Variants in PIGU observed in about 807,000 individuals in gnomAD.
The protein encoded by PIGU is phosphatidylinositol glycan anchor biosynthesis class U.
In PIGU, 24 loss-of-function variants were observed where a neutral mutation model predicts 49.9. That is an observed-to-expected ratio of 0.48 (90% confidence interval 0.35 to 0.68). The LOEUF (loss-of-function observed/expected upper bound fraction) is 0.68. Ranked by LOEUF, PIGU falls within the 30% of genes least tolerant of loss-of-function variation. The pLI, the probability that PIGU is intolerant of heterozygous loss-of-function variation, is 0.01. For synonymous variants in PIGU, 220 were observed against 205.7 expected, an observed-to-expected ratio of 1.07 and a Z score of -0.59; for missense variants, 490 against 532.6, an observed-to-expected ratio of 0.92 and a Z score of 0.79.
chr20:34,575,301 C>A (rs1983180273), intron 10 of PIGU, 55 bp from the exon 11 acceptor site: 6 of 1,583,010 alleles, frequency 3.8e-6, no homozygotes, highest in Non-Finnish European at 4.3e-6. Context: ...GCATGCTTTC[C>A]CTGCTGCAAT....
In PIGU at chr20:34,637,885, A is replaced by G; in HGVS notation, c.419T>C (p.Val140Ala). ...PMEMRYIPLK[V>A]ALFYLLNPYT... ...GTCAGGGAATACTTACAACAGGGCC[A>G]CTTTCAAAGGGATGTAACGCATTTC... The change falls in exon 5 of 12, where the codon GTG (valine) becomes GCG (alanine). Residue 140 changes from valine (V) to alanine (A), a missense_variant. Val to Ala is a moderately conservative substitution (Grantham distance 64, BLOSUM62 0). Transcript: ENST00000217446. 1 of 1,610,618 alleles carries G rather than the reference A, an allele frequency of 6.2e-7. No homozygotes were observed. Among genetic ancestry groups the G allele is most frequent in the Non-Finnish European group, 8.5e-7 (1 of 1,178,628 alleles).
chr20:34,591,589 T>C (rs751413355), intron 7 of PIGU, among the ~76,000 whole-genome samples: 2 of 152,186 alleles, frequency 1.3e-5, no homozygotes, highest in Non-Finnish European at 2.9e-5. Context: ...ATGGAATTAA[T>C]AGAAATTATT....
chr20:34,619,662 T>C (rs1030204262), intron 6 of PIGU, among the ~76,000 whole-genome samples: 3 of 152,194 alleles, frequency 2.0e-5, no homozygotes, highest in African/African-American at 7.2e-5. Context: ...AGCCATCTCT[T>C]GCCCTAATTG....
chr20:34,663,739 C>T (rs1215669569), intron 1 of PIGU, among the ~76,000 whole-genome samples: 2 of 152,116 alleles, frequency 1.3e-5, no homozygotes, highest in African/African-American at 2.4e-5. Context: ...CTATTAAATC[C>T]TTCACTAACA....
chr20:34,596,371 A>T (rs1253266246), intron 7 of PIGU, among the ~76,000 whole-genome samples: 1 of 152,198 alleles, frequency 6.6e-6, no homozygotes, highest in Non-Finnish European at 1.5e-5. Flanking sequence ...CCTGAAACAA[A>T]CAAAAATAGC....
At chr20:34,668,882 T>A (rs1203561912) in intron 1 of PIGU, among the ~76,000 whole-genome samples, 2 of 127,732 alleles carry the variant, frequency 1.6e-5, no homozygotes, top group African/African-American at 5.9e-5. Flanking sequence ...TTTTTTTTTT[T>A]TTTTTTTTTT....
rs1181325564 is a variant in PIGU, at chr20:34,658,802, G to A, written c.131-1558C>T. Among the ~76,000 whole-genome samples the A allele has an allele frequency of 1.5e-4, 22 of 144,958 alleles. No individual in the cohort carries two copies. In the South Asian group the frequency reaches 2.0e-3, roughly 13 times the overall value. Reference sequence around the variant, plus strand: ...TGAGGAGCCCCTCCGCCTGGCAGCCGCCCCGTCTGAGAAGCGAGGAGCCCC... The same window carrying A: ...TGAGGAGCCCCTCCGCCTGGCAGCCACCCCGTCTGAGAAGCGAGGAGCCCC... On this transcript the variant is annotated intron_variant, in intron 1 of 11. Transcript: ENST00000217446.
At chr20:34,623,583 C>T (rs1985336238) in intron 6 of PIGU, among the ~76,000 whole-genome samples, 1 of 152,160 alleles carries the variant, frequency 6.6e-6, no homozygotes, top group Non-Finnish European at 1.5e-5. Flanking sequence ...AGGATTTAAA[C>T]CAAATGGTTT....
intron 11 of PIGU, chr20:34,562,413 G>C: frequency 7.8e-7 from 1 of 1,286,512 alleles, no homozygotes; most frequent in South Asian, 1.2e-5. Context: ...TCCAGACCCT[G>C]TCCTGGGCAG....
At chr20:34,627,449 A>T (rs760997257) in intron 6 of PIGU, among the ~76,000 whole-genome samples, 12 of 151,742 alleles carry the variant, frequency 7.9e-5, no homozygotes, top group South Asian at 4.2e-4. Context: ...GTGATATAAA[A>T]TTTTTTTTGC....
rs186513428 is a variant in PIGU, at chr20:34,604,999, T to C, written c.627+11043A>G. ...ACTAGAAACTTCCCAGACTGCACCA[T>C]GAGCATCTCGGTAAGCCTCGCCTGG... On this transcript the variant is annotated intron_variant, in intron 7 of 11. Transcript: ENST00000217446. Among the ~76,000 whole-genome samples, 142 of 152,290 alleles carry C rather than the reference T, an allele frequency of 9.3e-4. 2 individuals carry two copies. The highest frequency in any genetic ancestry group is 6.8e-3 in the Middle Eastern group (2 of 294).
chr20:34,641,152 C>A (rs778423774), intron 4 of PIGU, among the ~76,000 whole-genome samples: 2 of 151,854 alleles, frequency 1.3e-5, no homozygotes, highest in African/African-American at 4.8e-5. Flanking sequence ...CTCCTGACCT[C>A]GTGATCTGCC....
At chr20:34,616,576 C>G (rs1052913026) in intron 6 of PIGU, among the ~76,000 whole-genome samples, 43 of 152,124 alleles carry the variant, frequency 2.8e-4, no homozygotes, top group African/African-American at 1.0e-3. Flanking sequence ...TACAACAGCC[C>G]TTCCTTACCT....
intron 7 of PIGU, among the ~76,000 whole-genome samples, chr20:34,605,021 C>T (rs1386582383): frequency 6.6e-6 from 1 of 152,148 alleles, no homozygotes; most frequent in East Asian, 1.9e-4. Flanking sequence ...TAAGCCTCGC[C>T]TGGTCTCCCT....
chr20:34,623,714 G>A (rs537573608), intron 6 of PIGU, among the ~76,000 whole-genome samples: 3 of 152,286 alleles, frequency 2.0e-5, no homozygotes, highest in Non-Finnish European at 4.4e-5. Context: ...AAGGAAGCAC[G>A]CTAAGCATTT....
chr20:34,590,610 A>ACATAG, intron 7 of PIGU, among the ~76,000 whole-genome samples: 1 of 152,038 alleles, frequency 6.6e-6, no homozygotes, highest in Non-Finnish European at 1.5e-5. Context: ...ACATAACATA[A>ACATAG]CATAACATAA....
chr20:34,675,890 G>T (rs1987482148), intron 1 of PIGU, among the ~76,000 whole-genome samples: 1 of 152,034 alleles, frequency 6.6e-6, no homozygotes, highest in Non-Finnish European at 1.5e-5. Context: ...GCATTTAAAG[G>T]ACACAAAGGG....
intron 7 of PIGU, among the ~76,000 whole-genome samples, chr20:34,609,436 C>T (rs1206112462): frequency 6.6e-6 from 1 of 152,006 alleles, no homozygotes; most frequent in Non-Finnish European, 1.5e-5. Context: ...GCAATCTCGG[C>T]TCACTGCAAC....
chr20:34,614,041 A>G (rs1984915606), intron 7 of PIGU, among the ~76,000 whole-genome samples: 1 of 152,212 alleles, frequency 6.6e-6, no homozygotes, highest in African/African-American at 2.4e-5. Context: ...CACACCTGTA[A>G]TCCCAGCACT....
Sources: allele counts gnomAD v4.1 joint callset (sites outside exome capture counted in the v4.1 genomes callset), GRCh38; gene constraint gnomAD v4.1.1; transcripts MANE v1.5; gene names NCBI Gene and HGNC (gene_info 2026-07-23, HGNC 2026-07-21).